Variants in COTL1 observed in about 807,000 individuals in gnomAD.
COTL1 encodes the protein coactosin like F-actin binding protein 1.
A neutral mutation model predicts 16.5 loss-of-function variants in COTL1; 15 were observed. The observed-to-expected ratio is 0.91, with a 90% confidence interval of 0.61 to 1.40. The LOEUF (loss-of-function observed/expected upper bound fraction) is 1.40. Ranked by LOEUF, COTL1 falls within the 40% of genes most tolerant of loss-of-function variation. COTL1 has a pLI of 0.00. For synonymous variants in COTL1, 112 were observed against 85.3 expected (o/e 1.31, Z -1.73); for missense variants, 220 against 201.5 (o/e 1.09, Z -0.56).
chr16:84,571,406 C>A (rs1391613329), intron 3 of COTL1, among the ~76,000 whole-genome samples: 1 of 152,192 alleles, frequency 6.6e-6, no homozygotes, highest in African/African-American at 2.4e-5. Context: ...CCCCTCAATT[C>A]AGAAGGGGAA....
chr16:84,597,417 AGCT>A (rs1905027388), intron 2 of COTL1, among the ~76,000 whole-genome samples: 1 of 152,184 alleles, frequency 6.6e-6, no homozygotes. Flanking sequence ...CCCGCTGCAG[AGCT>A]GCTGAAGTCC....
intron 2 of COTL1, among the ~76,000 whole-genome samples, chr16:84,592,504 T>G (rs1182715735): frequency 6.6e-6 from 1 of 151,762 alleles, no homozygotes; most frequent in Non-Finnish European, 1.5e-5. Flanking sequence ...GGGGAAATCT[T>G]AAACGCAGCT....
At chr16:84,616,834 C>T (rs1047067437) in intron 2 of COTL1, among the ~76,000 whole-genome samples, 2 of 152,188 alleles carry the variant, frequency 1.3e-5, no homozygotes, top group Admixed American at 6.5e-5. Flanking sequence ...GCATAACCCC[C>T]TCCCAGATCA....
intron 2 of COTL1, among the ~76,000 whole-genome samples, chr16:84,613,599 T>C (rs1905390434): frequency 6.6e-6 from 1 of 152,114 alleles, no homozygotes; most frequent in African/African-American, 2.4e-5. Context: ...AGAAGGTTAA[T>C]GAGCAGAGGA....
chr16:84,603,312 C>G (rs1905138621), intron 2 of COTL1, among the ~76,000 whole-genome samples: 1 of 152,364 alleles, frequency 6.6e-6, no homozygotes, highest in Non-Finnish European at 1.5e-5. Flanking sequence ...CGAGGCAGAA[C>G]CTCCCCTCTT....
At position 84,566,904 on chromosome 16, in the gene COTL1, A is replaced by T. The variant is rs773484425; in HGVS notation, c.370T>A (p.Phe124Ile). Residue 124 changes from phenylalanine to isoleucine, a missense_variant, in exon 4 of 4, where the codon TTC becomes ATC. Physicochemically the swap from Phe to Ile is conservative, Grantham distance 21. Transcript: ENST00000262428. The stretch of plus-strand genomic sequence containing the variant: ...GCCTTCTTCAGCTCGCTCTTGATGA[A>T]ATCTTCCTCCAGCTCCTTCCGATCA... The part of the protein sequence containing the change: ...ISDRKELEED[F>I]IKSELKKAGG... The T allele has an allele frequency of 1.2e-6, 2 of 1,614,046 alleles. No homozygotes were observed. The highest frequency in any genetic ancestry group is 1.6e-4 in the Middle Eastern group (1 of 6,062).
chr16:84,606,433 C>A (rs1036100460), intron 2 of COTL1, among the ~76,000 whole-genome samples: 1 of 152,262 alleles, frequency 6.6e-6, no homozygotes, highest in African/African-American at 2.4e-5. Context: ...CTGTTCCCAG[C>A]GCTGCCAATA....
intron 2 of COTL1, chr16:84,616,100 T>C (rs1905474578): frequency 6.6e-6 from 1 of 152,180 alleles, no homozygotes; most frequent in Non-Finnish European, 1.5e-5. Context: ...GACTCACTTA[T>C]CCTCGCAACA....
intron 3 of COTL1, chr16:84,568,471 G>A (rs183217088): frequency 1.3e-5 from 2 of 152,244 alleles, no homozygotes; most frequent in African/African-American, 4.8e-5. Flanking sequence ...CAGCCACAGA[G>A]AGGAATGAAG....
At chr16:84,582,632 T>C (rs1038781441) in intron 3 of COTL1, among the ~76,000 whole-genome samples, 2 of 152,212 alleles carry the variant, frequency 1.3e-5, no homozygotes, top group Admixed American at 6.5e-5. Flanking sequence ...GCACAATTAA[T>C]TCTGATTGAG....
chr16:84,600,044 G>C (rs892993163), intron 2 of COTL1, among the ~76,000 whole-genome samples: 4 of 152,186 alleles, frequency 2.6e-5, no homozygotes, highest in Non-Finnish European at 5.9e-5. Context: ...TGAGGCTGGG[G>C]CTGGAAGGGG....
rs1248177763 is a variant in COTL1 at position 84,565,811 on chromosome 16, A to ACGCAGGACTGAAGC, written c.*1020_*1033dup. 3 of 152,314 alleles carry ACGCAGGACTGAAGC rather than the reference A, an allele frequency of 2.0e-5. No homozygotes were observed. Among genetic ancestry groups the ACGCAGGACTGAAGC allele is most frequent in the Non-Finnish European group, 4.4e-5 (3 of 68,070 alleles). 9.4% of individuals were successfully genotyped at this position (152,314 alleles called of 1,614,324 possible). On this transcript the variant is annotated 3_prime_UTR_variant, in exon 4 of 4. Transcript: ENST00000262428. ...CGATCCTTTTGAATGTGTGGTGCAGACGCAGGACTGAAGCCACAGGCTTTT... is the reference window on the plus strand; with the variant it reads ...CGATCCTTTTGAATGTGTGGTGCAGACGCAGGACTGAAGCCGCAGGACTGAAGCCACAGGCTTTT...
chr16:84,606,009 G>T (rs115641482), intron 2 of COTL1, among the ~76,000 whole-genome samples: 2,680 of 152,322 alleles, frequency 0.018, 84 homozygotes, highest in African/African-American at 0.062. Flanking sequence ...ATAAGTGCAT[G>T]AAGAAAAGCG....
intron 2 of COTL1, chr16:84,594,673 T>C (rs575232497): frequency 2.0e-5 from 3 of 152,364 alleles, no homozygotes; most frequent in East Asian, 1.9e-4. Flanking sequence ...CATTTCCACA[T>C]TGGTCAGCCC....
intron 2 of COTL1, among the ~76,000 whole-genome samples, chr16:84,606,550 A>G (rs1905214614): frequency 6.6e-6 from 1 of 152,246 alleles, no homozygotes; most frequent in South Asian, 2.1e-4. Context: ...GATCTTAGGC[A>G]CTGCTAAATG....
At chr16:84,569,035 G>A (rs910023439) in intron 3 of COTL1, 3 of 152,244 alleles carry the variant, frequency 2.0e-5, no homozygotes, top group African/African-American at 7.2e-5. Flanking sequence ...CTTTAAAATG[G>A]TTCAGGCCAG....
At chr16:84,582,481 A>T (rs946079747) in intron 3 of COTL1, among the ~76,000 whole-genome samples, 1 of 152,194 alleles carries the variant, frequency 6.6e-6, no homozygotes, top group Non-Finnish European at 1.5e-5. Flanking sequence ...ATGTGCTAGC[A>T]CACAGTAATC....
At chr16:84,598,577 T>C (rs1033721150) in intron 2 of COTL1, among the ~76,000 whole-genome samples, 1 of 151,956 alleles carries the variant, frequency 6.6e-6, no homozygotes, top group Non-Finnish European at 1.5e-5. Flanking sequence ...CCTCTGACCT[T>C]TCCCCTGGGT....
chr16:84,569,408 T>C (rs1904312881), intron 3 of COTL1, among the ~76,000 whole-genome samples: 1 of 152,154 alleles, frequency 6.6e-6, no homozygotes, highest in Admixed American at 6.6e-5. Context: ...AGTCGCCATA[T>C]TGCCAAGAAT....
Sources: allele counts gnomAD v4.1 joint callset (sites outside exome capture counted in the v4.1 genomes callset), GRCh38; gene constraint gnomAD v4.1.1; transcripts MANE v1.5; gene names NCBI Gene and HGNC (gene_info 2026-07-23, HGNC 2026-07-21).